Variants in AGBL1 observed in about 807,000 individuals in gnomAD.
The protein encoded by AGBL1 is AGBL carboxypeptidase 1.
Under a neutral mutation model 118.9 loss-of-function variants are expected in AGBL1, and 130 were observed. The observed-to-expected ratio is 1.09, with a 90% confidence interval of 0.95 to 1.26. The LOEUF (loss-of-function observed/expected upper bound fraction) is 1.26, where lower values mean the gene tolerates loss of function less well. Ranked by LOEUF, AGBL1 falls within the 50% of genes most tolerant of loss-of-function variation. The pLI is 0.00. For missense variants in AGBL1, 1,584 were observed against 1,298.1 expected, an observed-to-expected ratio of 1.22 and a Z score of -3.38; for synonymous variants, 555 against 478.9, an observed-to-expected ratio of 1.16 and a Z score of -2.08.
chr15:86,385,072 AAT>A (rs1428805322), intron 17 of AGBL1, among the ~76,000 whole-genome samples: 1 of 152,102 alleles, frequency 6.6e-6, no homozygotes. Context: ...GCTATTGAGT[AAT>A]TAAAAGTGAT....
chr15:86,121,783 A>G (rs773317470), intron 1 of AGBL1, among the ~76,000 whole-genome samples: 1 of 152,006 alleles, frequency 6.6e-6, no homozygotes, highest in Non-Finnish European at 1.5e-5. Flanking sequence ...CTTTGAACAC[A>G]CTCTTAGGTT....
chr15:86,836,685 T>C (rs1461645707), intron 22 of AGBL1, among the ~76,000 whole-genome samples: 3 of 152,228 alleles, frequency 2.0e-5, no homozygotes, highest in Non-Finnish European at 4.4e-5. Context: ...TCTCACCTCA[T>C]ATGGGTACCC....
chr15:86,471,911 C>G (rs1444401324), intron 18 of AGBL1, among the ~76,000 whole-genome samples: 1 of 152,126 alleles, frequency 6.6e-6, no homozygotes, highest in East Asian at 1.9e-4. Flanking sequence ...TTAAAGATCT[C>G]AAAATGAGAT....
chr15:86,711,484 G>A (rs1031255685), intron 22 of AGBL1, among the ~76,000 whole-genome samples: 2 of 152,156 alleles, frequency 1.3e-5, no homozygotes, highest in East Asian at 3.9e-4. Context: ...TCCATGCTTA[G>A]TCACTGCCTC....
At chr15:86,794,458 T>C (rs549659349) in intron 22 of AGBL1, among the ~76,000 whole-genome samples, 1 of 152,080 alleles carries the variant, frequency 6.6e-6, no homozygotes, top group South Asian at 2.1e-4. Context: ...AAAGAGGCAA[T>C]GGGGAGTGAT....
rs541136759 is a variant in AGBL1, at chr15:86,577,214, G to A, written c.2994+22677G>A. ...GGTTAAGGTGGTCTCACATGGAGAT[G>A]AGGACCTTGTTGTGAACTGGAGCAA... is the stretch of plus-strand genomic sequence containing the variant. On this transcript the variant is annotated intron_variant, in intron 21 of 22. Transcript: ENST00000614907. 5.3e-5 allele frequency among the ~76,000 whole-genome samples: 8 copies of A among 152,296 alleles called. No individual in the cohort carries two copies. The East Asian group carries it at 1.5e-3, about 29-fold the overall frequency.
At chr15:86,346,076 G>T (rs1261454052) in intron 17 of AGBL1, among the ~76,000 whole-genome samples, 2 of 151,490 alleles carry the variant, frequency 1.3e-5, no homozygotes, top group African/African-American at 4.9e-5. Flanking sequence ...ACTGCCTCCT[G>T]GATTCAAATG....
intron 17 of AGBL1, among the ~76,000 whole-genome samples, chr15:86,350,311 ACT>A (rs1480185060): frequency 6.6e-6 from 1 of 152,218 alleles, no homozygotes; most frequent in African/African-American, 2.4e-5. Flanking sequence ...GTATTGACAG[ACT>A]CTGATTTAAT....
chr15:86,538,340 G>C (rs139018831), intron 19 of AGBL1, among the ~76,000 whole-genome samples: 1 of 152,218 alleles, frequency 6.6e-6, no homozygotes, highest in African/African-American at 2.4e-5. Flanking sequence ...TGTGCCTAAT[G>C]TGGTTAACCT....
intron 22 of AGBL1, among the ~76,000 whole-genome samples, chr15:86,820,873 A>G (rs908609188): frequency 6.6e-6 from 1 of 152,200 alleles, no homozygotes; most frequent in Admixed American, 6.5e-5. Context: ...TTAAAGACAC[A>G]TGCACACGTA....
chr15:86,891,549 G>C (rs74027150), intron 22 of AGBL1, among the ~76,000 whole-genome samples: 15,231 of 150,912 alleles, frequency 0.1, 1,134 homozygotes, highest in East Asian at 0.31. Flanking sequence ...AGTAGAATGT[G>C]TCTGACACCA....
At chr15:86,718,264 C>G (rs748603759) in intron 22 of AGBL1, among the ~76,000 whole-genome samples, 1 of 151,976 alleles carries the variant, frequency 6.6e-6, no homozygotes, top group African/African-American at 2.4e-5. Context: ...TGGAAACAAT[C>G]ATTCTGAGCA....
intron 18 of AGBL1, among the ~76,000 whole-genome samples, chr15:86,439,847 A>G (rs2082040548): frequency 6.6e-6 from 1 of 152,218 alleles, no homozygotes; most frequent in Non-Finnish European, 1.5e-5. Context: ...TAGGCTGTGT[A>G]AACAGAAGCA....
intron 21 of AGBL1, among the ~76,000 whole-genome samples, chr15:86,664,820 T>C (rs1366965386): frequency 6.7e-6 from 1 of 150,096 alleles, no homozygotes; most frequent in Non-Finnish European, 1.5e-5. Flanking sequence ...TTAAATTTAA[T>C]TTTATTTGTA....
At chr15:86,976,669 A>C (rs2081179170) in intron 23 of AGBL1, among the ~76,000 whole-genome samples, 1 of 152,052 alleles carries the variant, frequency 6.6e-6, no homozygotes. Context: ...TACCCAGCTC[A>C]ACAATATTAT....
At chr15:86,917,843 G>A (rs2080443615), downstream of AGBL1, among the ~76,000 whole-genome samples, 1 of 149,446 alleles carries the variant, frequency 6.7e-6, no homozygotes, top group Non-Finnish European at 1.5e-5. The surrounding 1 kb of genome is among the most constrained non-coding windows in gnomAD (Gnocchi z 4.8). Context: ...GAGCAAAGAG[G>A]GCCTCAGAGA....
rs1156311054 is a variant in AGBL1, at chr15:86,710,149, T to TA, written c.3158+35714dup. Among the ~76,000 whole-genome samples, 7 of 144,706 alleles carry TA rather than the reference T, an allele frequency of 4.8e-5. No homozygotes were observed. In the Admixed American group the frequency reaches 5.1e-4, roughly 10 times the overall value. The allele number at this position is 144,706 out of a possible 152,430, so 94.9% of individuals were successfully genotyped here. ...ACTTTTTGTCGCACTCATCATCCCT[T>TA]ACAGGAAGAGGCTGATTTGCTGAAC... On this transcript the variant is annotated intron_variant, in intron 22 of 22. Transcript: ENST00000614907.
intron 22 of AGBL1, among the ~76,000 whole-genome samples, chr15:86,787,674 A>G (rs1038390903): frequency 5.3e-5 from 8 of 152,172 alleles, no homozygotes; most frequent in Non-Finnish European, 8.8e-5. Flanking sequence ...GCCTAATATG[A>G]ATAGTCCTCC....
At chr15:86,591,697 A>G (rs2084338043) in intron 21 of AGBL1, among the ~76,000 whole-genome samples, 1 of 152,200 alleles carries the variant, frequency 6.6e-6, no homozygotes, top group African/African-American at 2.4e-5. Flanking sequence ...TCAGCTATCT[A>G]GAAGCTCCCC....
Sources: gnomAD v4.1 joint callset for allele counts (sites outside exome capture counted in the v4.1 genomes callset) on GRCh38, gnomAD v4.1.1 for gene constraint, Gnocchi (gnomAD v3.1) non-coding constraint, MANE v1.5 for transcripts, NCBI Gene and HGNC (gene_info 2026-07-23, HGNC 2026-07-21) for gene names.